TOMM70: variants seen among roughly 807,000 people sequenced by gnomAD.
TOMM70 encodes translocase of outer mitochondrial membrane 70.
In TOMM70, 13 loss-of-function variants were observed where a neutral mutation model predicts 73.6. The ratio of observed to expected loss-of-function variants is 0.18; its 90% CI spans 0.11 to 0.28. The LOEUF (loss-of-function observed/expected upper bound fraction) is 0.28, where lower values mean the gene tolerates loss of function less well. Ranked by LOEUF, TOMM70 falls within the 10% of genes least tolerant of loss-of-function variation. The pLI, the probability that TOMM70 is intolerant of heterozygous loss-of-function variation, is 1.00. For missense variants in TOMM70, 609 were observed against 747.5 expected (o/e 0.81, Z 2.16); for synonymous variants, 257 against 271.2 (o/e 0.95, Z 0.51).
At chr3:100,382,219 A>T (rs898434927) in intron 4 of TOMM70, among the ~76,000 whole-genome samples, 2 of 152,246 alleles carry the variant, frequency 1.3e-5, no homozygotes, top group African/African-American at 4.8e-5. Context: ...ATAAAGTGGA[A>T]ATAACACACC....
chr3:100,396,286 T>C (rs1270124580), intron 1 of TOMM70, among the ~76,000 whole-genome samples: 2 of 152,170 alleles, frequency 1.3e-5, no homozygotes, highest in Admixed American at 1.3e-4. Context: ...AATGTGTAGG[T>C]ACATCTTCCC....
chr3:100,376,708 A>G (rs977193835), intron 6 of TOMM70, among the ~76,000 whole-genome samples: 2 of 151,962 alleles, frequency 1.3e-5, no homozygotes, highest in African/African-American at 4.8e-5. Context: ...TAGCTCTTAC[A>G]TTTAGGGCTC....
At chr3:100,373,927 A>G (rs534656915) in intron 7 of TOMM70, among the ~76,000 whole-genome samples, 4 of 152,208 alleles carry the variant, frequency 2.6e-5, no homozygotes, top group Non-Finnish European at 5.9e-5. Flanking sequence ...CTAGAAAACT[A>G]AACATCCTGT....
At chr3:100,383,410 C>G (rs1023676557) in intron 4 of TOMM70, among the ~76,000 whole-genome samples, 1 of 151,860 alleles carries the variant, frequency 6.6e-6, no homozygotes, top group Non-Finnish European at 1.5e-5. Context: ...GTAGTCCCAG[C>G]TACTTGGGAG....
Position 100,400,865 on chromosome 3 carries a change from C to A in TOMM70, c.85G>T (p.Ala29Ser). The A allele has an allele frequency of 6.5e-7, 1 of 1,527,154 alleles. No homozygotes were observed. The highest frequency in any genetic ancestry group is 1.2e-5 in the South Asian group (1 of 83,690). 94.6% of individuals were successfully genotyped at this position (1,527,154 alleles called of 1,614,324 possible). A position where few individuals can be genotyped will look rare whatever the true frequency, so the allele number is the denominator to read the frequency against. The change falls in exon 1 of 12, where the codon GCG (alanine) becomes TCG (serine). Residue 29 changes from alanine to serine, a missense_variant. Around this residue, in one of 2 missense-constraint regions of TOMM70, gnomAD observed 177 missense variants for 163.5 expected, o/e 1.08. Coordinates refer to ENST00000284320, the MANE Select transcript of TOMM70 (RefSeq NM_014820.5). ...GGCAGCCCCCCCGTGCCCGGGCCCG[C>A]AGTCCCGCCGCCGCCCACCCCACTC... The part of the protein sequence containing the change: ...SGSGVGGGGT[A>S]GPGTGGLPRW...
chr3:100,399,594 T>C (rs558506484), intron 1 of TOMM70, among the ~76,000 whole-genome samples: 2 of 152,242 alleles, frequency 1.3e-5, no homozygotes, highest in South Asian at 2.1e-4. Context: ...TACAAAGCAG[T>C]TCACTAAATA....
At position 100,365,540 on chromosome 3, in the gene TOMM70, G is replaced by C. The variant is rs1576208238; in HGVS notation, c.*24C>G. 1 of 1,613,894 alleles carries C rather than the reference G, an allele frequency of 6.2e-7. No individual in the cohort carries two copies. Among genetic ancestry groups the C allele is most frequent in the Non-Finnish European group, 8.5e-7 (1 of 1,179,806 alleles). On this transcript the variant is annotated 3_prime_UTR_variant, in exon 12 of 12. Coordinates refer to ENST00000284320, the MANE Select transcript of TOMM70 (RefSeq NM_014820.5). Reference sequence around the variant, plus strand: ...AAGAGGGGGTAAACTTTTAAAAAGAGGGTCAGTCTGCTTTCCCCCTGTTTT... The same window carrying C: ...AAGAGGGGGTAAACTTTTAAAAAGACGGTCAGTCTGCTTTCCCCCTGTTTT...
Position 100,373,595 on chromosome 3 carries a change from T to G in TOMM70, c.1278A>C (p.Glu426Asp). The change falls in exon 8 of 12, where the codon GAA becomes GAC. Residue 426 changes from glutamate (E) to aspartate (D), a missense_variant. This residue lies in a region of TOMM70 where 432 missense variants were observed against 584.1 expected (regional missense o/e 0.74). Transcript: ENST00000284320. ...QVEEAVADFD[E>D]CIRLRPESAL... The stretch of plus-strand genomic sequence containing the variant: ...CAGACTCAGGTCTTAACCTAATACA[T>G]TCATCAAAATCTGCCACTGCTTCTT... 2.5e-6 allele frequency: 4 copies of G among 1,613,328 alleles called. No homozygotes were observed. Among genetic ancestry groups the G allele is most frequent in the Non-Finnish European group, 3.4e-6 (4 of 1,179,576 alleles).
In TOMM70 at chr3:100,376,578, C is replaced by T. The variant is rs533608091; in HGVS notation, c.1092+1127G>A. The stretch of plus-strand genomic sequence containing the variant: ...CCAGCCAAGCACAGAAGTCTGATCA[C>T]GTCCAATCTATTTTTTTTTTTTGGT... On this transcript the variant is annotated intron_variant, in intron 6 of 11. Transcript: ENST00000284320. Among the ~76,000 whole-genome samples the T allele has an allele frequency of 2.1e-4, 31 of 149,182 alleles. No individual in the cohort carries two copies. The East Asian group carries it at 3.0e-3, about 14-fold the overall frequency.
chr3:100,368,686 ACTC>A lies in TOMM70; in HGVS notation c.1550+349_1550+351del, dbSNP rs1706474598. Among the ~76,000 whole-genome samples the A allele has an allele frequency of 2.0e-5, 3 of 151,664 alleles. No individual in the cohort carries two copies. In the South Asian group the frequency reaches 6.2e-4, roughly 32 times the overall value. On this transcript the variant is annotated intron_variant, in intron 10 of 11. Transcript: ENST00000284320. ...TGCCTCCCAGGTTCAAGTGATTCTC[ACTC>A]CTTAGCCTGCTGAGTAGCTGGGAAT...
intron 1 of TOMM70, among the ~76,000 whole-genome samples, 197 bp downstream of exon 1, chr3:100,400,429 T>G (rs553996669): frequency 2.6e-4 from 39 of 152,152 alleles, no homozygotes; most frequent in Non-Finnish European, 4.4e-4. Flanking sequence ...AAGCAAACTG[T>G]CAAAGAATGC....
intron 6 of TOMM70, among the ~76,000 whole-genome samples, chr3:100,376,891 A>G (rs1373350377): frequency 1.3e-5 from 2 of 152,216 alleles, no homozygotes; most frequent in African/African-American, 4.8e-5. Flanking sequence ...ACAAAAACAT[A>G]TAACATATAT....
In TOMM70 at chr3:100,400,965, C is replaced by T; in HGVS notation, c.-16G>A. ...AGGCGGCCATGACAAGTGTCCTCTGCCACCGCCTCCCTGTCTGTCGCGAGC... is the reference window on the plus strand; with the variant it reads ...AGGCGGCCATGACAAGTGTCCTCTGTCACCGCCTCCCTGTCTGTCGCGAGC... On this transcript the variant is annotated 5_prime_UTR_variant, in exon 1 of 12. Transcript: ENST00000284320. 1 of 1,526,534 alleles carries T rather than the reference C, an allele frequency of 6.6e-7. No homozygotes were observed. The highest frequency in any genetic ancestry group is 8.7e-7 in the Non-Finnish European group (1 of 1,142,944). 94.6% of individuals were successfully genotyped at this position (1,526,534 alleles called of 1,614,324 possible).
chr3:100,400,673 C>A lies in TOMM70; in HGVS notation c.277G>T (p.Ala93Ser), dbSNP rs761982489. 3 of 1,612,392 alleles carry A rather than the reference C, an allele frequency of 1.9e-6. No homozygotes were observed. The Admixed American group carries it at 5.0e-5, about 27-fold the overall frequency. The part of the protein sequence containing the change: ...RKTPEGRASP[A>S]PGSGHPEGPG... ...CCTTCAGGGTGTCCGCTGCCCGGGGCCGGACTGGCCCTGCCCTCCGGGGTC... is the reference window on the plus strand; with the variant it reads ...CCTTCAGGGTGTCCGCTGCCCGGGGACGGACTGGCCCTGCCCTCCGGGGTC... Residue 93 changes from alanine to serine, a missense_variant, in exon 1 of 12, where the codon GCC becomes TCC. Physicochemically the swap from Ala to Ser is moderately conservative, Grantham distance 99. This residue lies in a region of TOMM70 where 177 missense variants were observed against 163.5 expected (regional missense o/e 1.08). Coordinates refer to ENST00000284320, the MANE Select transcript of TOMM70 (RefSeq NM_014820.5).
chr3:100,390,931 A>G (rs1320731080), intron 1 of TOMM70, among the ~76,000 whole-genome samples: 1 of 151,616 alleles, frequency 6.6e-6, no homozygotes, highest in East Asian at 1.9e-4. Flanking sequence ...TGAGGTCAGG[A>G]GATCAAGACC....
chr3:100,372,272 A>G (rs62274147), intron 9 of TOMM70: 49,589 of 198,052 alleles, frequency 0.25, 7,482 homozygotes, highest in South Asian at 0.38. Flanking sequence ...GATAGAAAGA[A>G]AAGCCTTTCC....
rs758375652 is a variant in TOMM70 at position 100,400,760 on chromosome 3, G to A, written c.190C>T (p.Arg64Trp). The change falls in exon 1 of 12, where the codon CGG becomes TGG. Residue 64 changes from arginine to tryptophan, a missense_variant. Coordinates refer to ENST00000284320, the MANE Select transcript of TOMM70 (RefSeq NM_014820.5). ...GAIYLWSRQQRRREARGRGDA... is the reference protein window; with the variant it reads ...GAIYLWSRQQWRREARGRGDA... ...CCCCGGCCTCTGGCCTCCCGGCGCC[G>A]TTGCTGCCGACTCCACAGGTATATG... is the stretch of plus-strand genomic sequence containing the variant. 1.9e-6 allele frequency: 3 copies of A among 1,589,682 alleles called. No homozygotes were observed. The highest frequency in any genetic ancestry group is 1.7e-5 in the Admixed American group (1 of 57,722).
chr3:100,398,645 G>A (rs1347822837), intron 1 of TOMM70, among the ~76,000 whole-genome samples: 1 of 152,098 alleles, frequency 6.6e-6, no homozygotes, highest in African/African-American at 2.4e-5. Flanking sequence ...TGATCATAAT[G>A]AGAATCATCA....
intron 5 of TOMM70, among the ~76,000 whole-genome samples, chr3:100,381,038 G>A (rs1302703737): frequency 6.6e-6 from 1 of 152,026 alleles, no homozygotes; most frequent in Non-Finnish European, 1.5e-5. Flanking sequence ...TGATAAATAC[G>A]AATGGAATAA....
Sources: allele counts gnomAD v4.1 joint callset (sites outside exome capture counted in the v4.1 genomes callset), GRCh38; gene constraint gnomAD v4.1.1; regional missense constraint gnomAD v4.1.1; transcripts MANE v1.5; gene names NCBI Gene and HGNC (gene_info 2026-07-23, HGNC 2026-07-21).